Variants in METTL15 observed in about 807,000 individuals in gnomAD.
METTL15 encodes 12S rRNA N(4)-cytidine methyltransferase METTL15.
Under a neutral mutation model 38.3 loss-of-function variants are expected in METTL15, and 34 were observed. That is an observed-to-expected ratio of 0.89 (90% CI 0.68 to 1.18). The LOEUF is 1.18. Ranked by LOEUF, METTL15 falls within the 50% of genes most tolerant of loss-of-function variation. METTL15 has a pLI of 0.00. For missense variants in METTL15, 438 were observed against 498.4 expected, an observed-to-expected ratio of 0.88 and a Z score of 1.15; for synonymous variants, 162 against 170.9, an observed-to-expected ratio of 0.95 and a Z score of 0.41.
At chr11:28,284,710 A>G (rs151296275) in intron 4 of METTL15, among the ~76,000 whole-genome samples, 3 of 152,340 alleles carry the variant, frequency 2.0e-5, no homozygotes, top group Admixed American at 6.5e-5. Context: ...CTTGAGCTCT[A>G]TTAATATAAC....
chr11:28,439,745 A>T (rs1172345678), intron 6 of METTL15, among the ~76,000 whole-genome samples: 1 of 152,170 alleles, frequency 6.6e-6, no homozygotes, highest in Admixed American at 6.5e-5. Context: ...TTGGAATTTT[A>T]TAGGACTGTG....
intron 5 of METTL15, among the ~76,000 whole-genome samples, chr11:28,374,939 A>T (rs868829739): frequency 6.6e-6 from 1 of 151,586 alleles, no homozygotes; most frequent in Non-Finnish European, 1.5e-5. Flanking sequence ...GGTTTTTGTC[A>T]TTGGTTCTGT....
At chr11:28,371,868 T>C (rs1850246531) in intron 5 of METTL15, among the ~76,000 whole-genome samples, 1 of 152,110 alleles carries the variant, frequency 6.6e-6, no homozygotes. Flanking sequence ...ACTGAATTTA[T>C]CAGTTCTAAC....
intron 3 of METTL15, among the ~76,000 whole-genome samples, chr11:28,340,394 C>T (rs1849939691): frequency 1.3e-5 from 2 of 152,110 alleles, no homozygotes; most frequent in Non-Finnish European, 2.9e-5. Context: ...AGGCAACCTA[C>T]AGAATGGGAG....
At chr11:28,482,057 A>G (rs1851400003) in intron 6 of METTL15, among the ~76,000 whole-genome samples, 1 of 152,142 alleles carries the variant, frequency 6.6e-6, no homozygotes, top group Non-Finnish European at 1.5e-5. Flanking sequence ...GCTGCAAGCC[A>G]CTGAAGGATG....
chr11:28,495,781 GAA>G (rs112186450), intron 6 of METTL15, among the ~76,000 whole-genome samples: 3 of 133,618 alleles, frequency 2.2e-5, no homozygotes. Context: ...TTTTTTGATA[GAA>G]AAAAAAAAAA....
intron 6 of METTL15, among the ~76,000 whole-genome samples, chr11:28,319,678 T>C (rs1378005487): frequency 6.6e-6 from 1 of 152,180 alleles, no homozygotes; most frequent in Admixed American, 6.6e-5. Flanking sequence ...AATCTACCTC[T>C]GGTATTTTCC....
intron 6 of METTL15, among the ~76,000 whole-genome samples, chr11:28,455,443 G>T (rs937355159): frequency 4.0e-5 from 6 of 151,860 alleles, no homozygotes; most frequent in Non-Finnish European, 7.4e-5. Flanking sequence ...AGGCCATTTT[G>T]TCTCTGTGTC....
chr11:28,507,931 A>G (rs1043662402), intron 6 of METTL15, among the ~76,000 whole-genome samples: 2 of 152,172 alleles, frequency 1.3e-5, no homozygotes, highest in African/African-American at 4.8e-5. Context: ...TTTTAAATGT[A>G]AATCAGGTCA....
At chr11:28,353,421 C>T (rs923505012) in intron 4 of METTL15, among the ~76,000 whole-genome samples, 1 of 152,106 alleles carries the variant, frequency 6.6e-6, no homozygotes, top group African/African-American at 2.4e-5. Context: ...GCCACCAGAC[C>T]TTGATTAATA....
At chr11:28,122,372 T>TGTAC (rs1491493529) in intron 3 of METTL15, among the ~76,000 whole-genome samples, 6 of 49,822 alleles carry the variant, frequency 1.2e-4, no homozygotes, top group African/African-American at 2.0e-4. Flanking sequence ...TGTGTGTGTG[T>TGTAC]ATATATATAT....
At chr11:28,239,889 T>A (rs1854214774) in intron 4 of METTL15, among the ~76,000 whole-genome samples, 1 of 152,220 alleles carries the variant, frequency 6.6e-6, no homozygotes, top group Non-Finnish European at 1.5e-5. Context: ...ATAGTACATA[T>A]TTATTTTAAA....
At chr11:28,307,267 ACTTT>A (rs1857114929) in intron 6 of METTL15, among the ~76,000 whole-genome samples, 2 of 151,950 alleles carry the variant, frequency 1.3e-5, no homozygotes, top group African/African-American at 4.8e-5. Flanking sequence ...TTATTTAATG[ACTTT>A]CTTATCAATT....
At chr11:28,203,082 T>A (rs1277617264) in intron 3 of METTL15, among the ~76,000 whole-genome samples, 2 of 152,016 alleles carry the variant, frequency 1.3e-5, no homozygotes, top group Non-Finnish European at 2.9e-5. Flanking sequence ...TTAAAGGATA[T>A]CAAATTTGAA....
At chr11:28,133,765 T>G (rs1490376189) in intron 3 of METTL15, among the ~76,000 whole-genome samples, 1 of 152,154 alleles carries the variant, frequency 6.6e-6, no homozygotes, top group African/African-American at 2.4e-5. Context: ...TATCCTCTAG[T>G]CTTAACCAAG....
In METTL15 at chr11:28,176,683, C is replaced by G. The variant is rs562951120; in HGVS notation, c.271-34379C>G. On this transcript the variant is annotated intron_variant, in intron 3 of 6. Transcript: ENST00000407364. ...CTCAGGAGACAGTATTATGTGTGGT[C>G]TTTGTGGCCAAGTGGACTTGGCTAA... is the stretch of plus-strand genomic sequence containing the variant. 2.6e-4 allele frequency among the ~76,000 whole-genome samples: 39 copies of G among 152,144 alleles called. No homozygotes were observed. The South Asian group carries it at 7.2e-3, about 28-fold the overall frequency.
In METTL15 at chr11:28,302,489, G is replaced by A. The variant is rs559182268; in HGVS notation, c.778+5558G>A. Reference sequence around the variant, plus strand: ...TGAATCATGGGAACAGGTCTTTCCCGTGCTGTTCTCATGATAATGAATGGG... The same window carrying A: ...TGAATCATGGGAACAGGTCTTTCCCATGCTGTTCTCATGATAATGAATGGG... On this transcript the variant is annotated intron_variant, in intron 6 of 6. Coordinates refer to ENST00000407364, the MANE Select transcript of METTL15 (RefSeq NM_001113528.2). Among the ~76,000 whole-genome samples the A allele has an allele frequency of 4.6e-5, 7 of 152,170 alleles. No homozygotes were observed. The East Asian group carries it at 5.8e-4, about 13-fold the overall frequency.
chr11:28,378,575 A>G (rs989719434), intron 5 of METTL15, among the ~76,000 whole-genome samples: 1 of 152,168 alleles, frequency 6.6e-6, no homozygotes, highest in East Asian at 1.9e-4. Flanking sequence ...TAGTGAGATG[A>G]ACCGGGTACC....
At chr11:28,296,378 A>G (rs1374326411) in intron 5 of METTL15, among the ~76,000 whole-genome samples, 2 of 152,260 alleles carry the variant, frequency 1.3e-5, no homozygotes, top group East Asian at 1.9e-4. Context: ...TGTATCTTCC[A>G]TACTGCAAAA....
Sources: allele counts gnomAD v4.1 joint callset (sites outside exome capture counted in the v4.1 genomes callset), GRCh38; gene constraint gnomAD v4.1.1; transcripts MANE v1.5; gene names NCBI Gene and HGNC (gene_info 2026-07-23, HGNC 2026-07-21).